ADCK1: variants seen among roughly 807,000 people sequenced by gnomAD.
The protein encoded by ADCK1 is aarF domain-containing protein kinase 1.
ADCK1 carries 41 observed loss-of-function variants against 52.3 expected under a neutral mutation model. That is an observed-to-expected ratio of 0.78 (90% CI 0.61 to 1.02). The LOEUF is 1.02. Ranked by LOEUF, ADCK1 falls within the 50% of genes least tolerant of loss-of-function variation. ADCK1 has a pLI of 0.00. For synonymous variants in ADCK1, 250 were observed against 274.6 expected (o/e 0.91, Z 0.89); for missense variants, 658 against 679.5 (o/e 0.97, Z 0.35).
chr14:77,929,082 T>C (rs962858430), intron 9 of ADCK1, among the ~76,000 whole-genome samples: 2 of 152,224 alleles, frequency 1.3e-5, no homozygotes, highest in Non-Finnish European at 2.9e-5. Context: ...TTGCTCACTT[T>C]AGACAACCCA....
At chr14:77,886,861 C>G (rs2083158822) in intron 4 of ADCK1, among the ~76,000 whole-genome samples, 1 of 151,976 alleles carries the variant, frequency 6.6e-6, no homozygotes, top group African/African-American at 2.4e-5. Context: ...GAGCCAAGAT[C>G]ATGCCACTGC....
chr14:77,825,021 T>C (rs1449160620), intron 3 of ADCK1, among the ~76,000 whole-genome samples: 1 of 152,244 alleles, frequency 6.6e-6, no homozygotes, highest in Non-Finnish European at 1.5e-5. Flanking sequence ...ATGACCCTCC[T>C]ACCCTTGTTC....
chr14:77,922,681 C>T (rs982435882), intron 7 of ADCK1, among the ~76,000 whole-genome samples: 4 of 152,164 alleles, frequency 2.6e-5, no homozygotes, highest in Admixed American at 6.5e-5. Flanking sequence ...TAGAAGGCTG[C>T]GGGGTCAGCT....
chr14:77,891,013 A>G (rs1275816273), intron 5 of ADCK1, among the ~76,000 whole-genome samples: 1 of 152,118 alleles, frequency 6.6e-6, no homozygotes, highest in African/African-American at 2.4e-5. Flanking sequence ...CTTTGTTTCG[A>G]GCCCAGTGGA....
chr14:77,806,854 A>G (rs2081234670), intron 1 of ADCK1, among the ~76,000 whole-genome samples: 1 of 151,972 alleles, frequency 6.6e-6, no homozygotes, highest in East Asian at 1.9e-4. Flanking sequence ...AGCTGGGACT[A>G]CAGGTGCATG....
At chr14:77,811,864 C>G (rs2081344845) in intron 1 of ADCK1, among the ~76,000 whole-genome samples, 1 of 151,976 alleles carries the variant, frequency 6.6e-6, no homozygotes, top group Non-Finnish European at 1.5e-5. Flanking sequence ...TAATCCTTGG[C>G]TTATTAAAAT....
At chr14:77,906,026 A>T (rs1198956081) in intron 6 of ADCK1, among the ~76,000 whole-genome samples, 1 of 152,214 alleles carries the variant, frequency 6.6e-6, no homozygotes, top group East Asian at 1.9e-4. Flanking sequence ...TTCCAACTAG[A>T]GCATTTCACT....
intron 4 of ADCK1, among the ~76,000 whole-genome samples, chr14:77,876,650 T>G (rs903304134): frequency 6.6e-6 from 1 of 152,202 alleles, no homozygotes; most frequent in Non-Finnish European, 1.5e-5. Context: ...CAAATGAGCA[T>G]GCGCCCCAGT....
intron 4 of ADCK1, among the ~76,000 whole-genome samples, chr14:77,865,086 A>G (rs2082634248): frequency 3.9e-5 from 6 of 152,102 alleles, no homozygotes; most frequent in Admixed American, 3.9e-4. Flanking sequence ...GTTCGAGACA[A>G]ACCTGGGCAA....
intron 4 of ADCK1, among the ~76,000 whole-genome samples, chr14:77,867,053 C>T (rs2082676704): frequency 6.6e-6 from 1 of 152,372 alleles, no homozygotes; most frequent in Non-Finnish European, 1.5e-5. Context: ...CCAGGTACTA[C>T]ACCAGCCCCT....
Position 77,896,853 on chromosome 14 carries a change from AAAG to A in ADCK1, c.583-2243_583-2241del, listed in dbSNP as rs2083420961. Among the ~76,000 whole-genome samples, 7 of 152,368 alleles carry A rather than the reference AAAG, an allele frequency of 4.6e-5. No individual in the cohort carries two copies. The South Asian group carries it at 1.2e-3, about 27-fold the overall frequency. On this transcript the variant is annotated intron_variant, in intron 5 of 10. Transcript: ENST00000238561. ...ATTAAACTACAGCCAAATGTAATTA[AAAG>A]AAGTTTTGGTAGAAATTGAGCATGA...
At chr14:77,900,085 A>G (rs2096263202) in intron 6 of ADCK1, among the ~76,000 whole-genome samples, 1 of 130,000 alleles carries the variant, frequency 7.7e-6, no homozygotes, top group African/African-American at 2.6e-5. Context: ...AAAAAAAAAA[A>G]GAAAATTCAT....
At chr14:77,835,045 C>T (rs1566649704) in intron 3 of ADCK1, among the ~76,000 whole-genome samples, 1 of 152,156 alleles carries the variant, frequency 6.6e-6, no homozygotes, top group South Asian at 2.1e-4. Flanking sequence ...GCTGTTTCCA[C>T]CTCTGCTGGA....
At chr14:77,832,145 T>C (rs1311484453) in intron 3 of ADCK1, among the ~76,000 whole-genome samples, 1 of 152,134 alleles carries the variant, frequency 6.6e-6, no homozygotes, top group African/African-American at 2.4e-5. Context: ...GCCTGGCTAA[T>C]TTTTGTATTT....
intron 3 of ADCK1, among the ~76,000 whole-genome samples, chr14:77,851,052 C>T (rs1361334344): frequency 6.6e-6 from 1 of 151,898 alleles, no homozygotes; most frequent in Admixed American, 6.6e-5. Flanking sequence ...TTTGCATCAA[C>T]TCCGTACATT....
At chr14:77,919,109 A>G (rs893162907) in intron 7 of ADCK1, among the ~76,000 whole-genome samples, 2 of 152,138 alleles carry the variant, frequency 1.3e-5, no homozygotes, top group Non-Finnish European at 2.9e-5. Context: ...GCTGGAGTGC[A>G]ATGGTGTGAT....
chr14:77,912,084 G>A (rs567714171), intron 7 of ADCK1, among the ~76,000 whole-genome samples: 2 of 152,164 alleles, frequency 1.3e-5, no homozygotes, highest in Non-Finnish European at 2.9e-5. Context: ...GAATCATACA[G>A]TTTTGGGATC....
intron 1 of ADCK1, among the ~76,000 whole-genome samples, chr14:77,803,967 T>A (rs1328122662): frequency 6.6e-6 from 1 of 152,184 alleles, no homozygotes; most frequent in Admixed American, 6.5e-5. Context: ...TCTCTCACCC[T>A]CTCTGCTCCT....
chr14:77,862,512 AG>A (rs2082573353), intron 4 of ADCK1, among the ~76,000 whole-genome samples: 3 of 152,158 alleles, frequency 2.0e-5, no homozygotes, highest in Admixed American at 2.0e-4. Context: ...GTGCTGTTGA[AG>A]GAACGCAGGC....
Sources: allele counts gnomAD v4.1 joint callset (sites outside exome capture counted in the v4.1 genomes callset), GRCh38; gene constraint gnomAD v4.1.1; transcripts MANE v1.5; gene names NCBI Gene and HGNC (gene_info 2026-07-23, HGNC 2026-07-21).